Variants in NFASC observed in about 807,000 individuals in gnomAD.
NFASC encodes the protein neurofascin homolog.
Under a neutral mutation model 147.5 loss-of-function variants are expected in NFASC, and 43 were observed. That is an observed-to-expected ratio of 0.29 (90% CI 0.23 to 0.38). The LOEUF (loss-of-function observed/expected upper bound fraction) is 0.38. Among genes scored for constraint, NFASC ranks in the 10% least tolerant of loss-of-function variants. The pLI is 1.00. For synonymous variants in NFASC, 622 were observed against 665.5 expected, an observed-to-expected ratio of 0.93 and a Z score of 1.01; for missense variants, 1,320 against 1,689.0, an observed-to-expected ratio of 0.78 and a Z score of 3.83.
At chr1:204,980,955 A>G (rs2095499286) in intron 20 of NFASC, among the ~76,000 whole-genome samples, 1 of 152,214 alleles carries the variant, frequency 6.6e-6, no homozygotes, top group Non-Finnish European at 1.5e-5. Flanking sequence ...TCCCATCTTC[A>G]TGCTGGCTCA....
chr1:204,963,307 G>T (rs895129342), intron 8 of NFASC, among the ~76,000 whole-genome samples: 2 of 152,178 alleles, frequency 1.3e-5, no homozygotes, highest in East Asian at 1.9e-4. Flanking sequence ...AGATAATGGG[G>T]CCAACTACTA....
At chr1:204,969,266 A>G (rs2095118393) in intron 10 of NFASC, among the ~76,000 whole-genome samples, 1 of 152,132 alleles carries the variant, frequency 6.6e-6, no homozygotes, top group African/African-American at 2.4e-5. Context: ...CCCACGGCCC[A>G]TTTGGATCAT....
intron 1 of NFASC, among the ~76,000 whole-genome samples, chr1:204,841,375 CTTTG>C (rs1571916738): frequency 6.6e-6 from 1 of 152,284 alleles, no homozygotes; most frequent in African/African-American, 2.4e-5. Context: ...TTGATGATCC[CTTTG>C]TTTGAGAAGC....
intron 1 of NFASC, among the ~76,000 whole-genome samples, chr1:204,851,568 A>G (rs1363441342): frequency 6.6e-6 from 1 of 151,934 alleles, no homozygotes; most frequent in East Asian, 1.9e-4. Context: ...CCTGACCTCA[A>G]GTGATCGGCC....
At chr1:204,849,190 GT>G (rs1400460387) in intron 1 of NFASC, among the ~76,000 whole-genome samples, 1 of 152,226 alleles carries the variant, frequency 6.6e-6, no homozygotes, top group Non-Finnish European at 1.5e-5. Context: ...CCTCAACCAT[GT>G]GTGTTTGAGC....
At chr1:204,868,895 C>G (rs2077339558) in intron 1 of NFASC, among the ~76,000 whole-genome samples, 1 of 152,218 alleles carries the variant, frequency 6.6e-6, no homozygotes, top group Non-Finnish European at 1.5e-5. Flanking sequence ...TCCATTAACC[C>G]CTCTGTACCT....
At chr1:205,007,938 G>A (rs981312615) in intron 27 of NFASC, among the ~76,000 whole-genome samples, 9 of 152,272 alleles carry the variant, frequency 5.9e-5, no homozygotes, top group East Asian at 3.9e-4. Flanking sequence ...ACACTGTGGC[G>A]GGGGCCTGCT....
intron 25 of NFASC, 22 bp downstream of exon 25, chr1:204,997,428 C>T (rs2095869785): frequency 1.9e-6 from 3 of 1,551,674 alleles, no homozygotes; most frequent in Non-Finnish European, 1.7e-6. Flanking sequence ...CGCCCATGCT[C>T]CCCATCCCCT....
intron 2 of NFASC, among the ~76,000 whole-genome samples, chr1:204,937,604 T>C (rs61817567): frequency 0.17 from 26,053 of 152,130 alleles, 3,042 homozygotes; most frequent in African/African-American, 0.33. Flanking sequence ...TGCCTTTCCT[T>C]CATGTCTTTC....
Position 204,954,503 on chromosome 1 carries a change from C to A in NFASC, c.412+119C>A. 1 of 856,904 alleles carries A rather than the reference C, an allele frequency of 1.2e-6. No individual in the cohort carries two copies. The highest frequency in any genetic ancestry group is 1.8e-6 in the Non-Finnish European group (1 of 560,418). 53.1% of individuals were successfully genotyped at this position (856,904 alleles called of 1,614,324 possible). A position where few individuals can be genotyped will look rare whatever the true frequency, so the allele number is the denominator to read the frequency against. ...CTTGGCCTGCAGTTGCCTTGGTGTT[C>A]TCTATGCATCTTCCCCACCTCAGAA... On this transcript the variant is annotated intron_variant, in intron 6 of 29. Coordinates refer to ENST00000339876, the MANE Select transcript of NFASC (RefSeq NM_001005388.3). The surrounding 1 kb of genome is among the most constrained non-coding windows in gnomAD (Gnocchi z 5.7).
In NFASC at chr1:205,001,299, G is replaced by C; in HGVS notation, c.3136+13G>C. 6.4e-7 allele frequency: 1 copy of C among 1,561,644 alleles called. No homozygotes were observed. The highest frequency in any genetic ancestry group is 1.1e-5 in the South Asian group (1 of 88,556). On this transcript the variant is annotated intron_variant, in intron 26 of 29. Transcript: ENST00000339876. ...GAGTACATCGACAGTAAGCATTGCT[G>C]TGCGGGGTGGTGGTGGCGGCAGCGG... is the stretch of plus-strand genomic sequence containing the variant.
chr1:204,981,775 A>G, intron 20 of NFASC, 23 bp from the exon 21 acceptor site: 1 of 1,483,434 alleles, frequency 6.7e-7, no homozygotes. Context: ...CAGCCTCTCC[A>G]GCCTGTCTGT....
At chr1:204,870,101 G>A (rs1193006276) in intron 1 of NFASC, among the ~76,000 whole-genome samples, 1 of 152,194 alleles carries the variant, frequency 6.6e-6, no homozygotes, top group Non-Finnish European at 1.5e-5. Context: ...CTCTGACCCA[G>A]TGAAGTTTGT....
chr1:204,846,985 TAGG>T (rs1482998431), intron 1 of NFASC, among the ~76,000 whole-genome samples: 3 of 138,316 alleles, frequency 2.2e-5, no homozygotes, highest in East Asian at 2.5e-4. Flanking sequence ...GTGTGGTGTG[TAGG>T]AGAAGAGGGA....
Position 204,975,793 on chromosome 1 carries a change from C to G in NFASC, c.1706+375C>G, listed in dbSNP as rs2095388723. On this transcript the variant is annotated intron_variant, in intron 15 of 29. Transcript: ENST00000339876. This position sits in a 1 kb window ranked among gnomAD's most constrained non-coding sequence, Gnocchi z 4.0. Reference sequence around the variant, plus strand: ...CATCCCAGGCTCCAGCCTTTCAGCCCTATTTGCAGTACCCCTAATCTTCAG... The same window carrying G: ...CATCCCAGGCTCCAGCCTTTCAGCCGTATTTGCAGTACCCCTAATCTTCAG... 6.6e-6 allele frequency among the ~76,000 whole-genome samples: 1 copy of G among 152,148 alleles called. No individual in the cohort carries two copies.
intron 1 of NFASC, among the ~76,000 whole-genome samples, chr1:204,842,881 G>C (rs879386605): frequency 9.2e-5 from 14 of 152,194 alleles, no homozygotes; most frequent in Non-Finnish European, 1.8e-4. Context: ...GCCTTGCTCA[G>C]ACACCTGGGA....
chr1:205,014,944 A>G (rs1321854051), intron 29 of NFASC, among the ~76,000 whole-genome samples: 1 of 152,090 alleles, frequency 6.6e-6, no homozygotes, highest in Non-Finnish European at 1.5e-5. Flanking sequence ...GCACAAACTC[A>G]GCACAGCCCC....
chr1:204,866,778 A>G (rs899128356), intron 1 of NFASC, among the ~76,000 whole-genome samples: 4 of 152,356 alleles, frequency 2.6e-5, no homozygotes, highest in Admixed American at 2.0e-4. Context: ...AGAGGAGGAA[A>G]TATCTGCACA....
At chr1:204,895,188 G>A (rs2083159934) in intron 1 of NFASC, among the ~76,000 whole-genome samples, 1 of 151,970 alleles carries the variant, frequency 6.6e-6, no homozygotes. Context: ...CTGCCCATAA[G>A]AACAGCCTTG....
Sources: allele counts gnomAD v4.1 joint callset (sites outside exome capture counted in the v4.1 genomes callset), GRCh38; gene constraint gnomAD v4.1.1; non-coding constraint Gnocchi (gnomAD v3.1); transcripts MANE v1.5; gene names NCBI Gene and HGNC (gene_info 2026-07-23, HGNC 2026-07-21).